The following CHD5 variants were observed in gnomAD, a reference collection of about 807,000 sequenced individuals.
The protein encoded by CHD5 is chromodomain helicase DNA binding protein 5.
A neutral mutation model predicts 230.3 loss-of-function variants in CHD5; 69 were observed. That is an observed-to-expected ratio of 0.30 (90% CI 0.25 to 0.37). The LOEUF is 0.37. Among genes scored for constraint, CHD5 ranks in the 10% least tolerant of loss-of-function variants. The probability of loss-of-function intolerance (pLI) is 1.00; values close to 1 mark genes in which losing one functional copy is unlikely to be tolerated. For synonymous variants in CHD5, 1,064 were observed against 1,065.9 expected (o/e 1.00, Z 0.03); for missense variants, 1,827 against 2,622.8 (o/e 0.70, Z 6.63).
chr1:6,170,025 A>G (rs190328267), intron 1 of CHD5, among the ~76,000 whole-genome samples: 1 of 152,250 alleles, frequency 6.6e-6, no homozygotes, highest in Non-Finnish European at 1.5e-5. Context: ...TTCACCCAGG[A>G]AGGGGGCAGA....
chr1:6,109,812 T>C lies in CHD5; in HGVS notation c.5561A>G (p.Asn1854Ser), dbSNP rs1666256809. Reference protein sequence around the residue: ...KESLAGNKPANAVLHKVLNQL... With the variant: ...KESLAGNKPASAVLHKVLNQL... Reference sequence around the variant, plus strand: ...TTGCTCACCCTTGTGCAGGACGGCATTGGCAGGCTTGTTCCCAGCAAGGGA... The same window carrying C: ...TTGCTCACCCTTGTGCAGGACGGCACTGGCAGGCTTGTTCCCAGCAAGGGA... The change falls in exon 38 of 42, where the codon AAT becomes AGT. Residue 1854 changes from asparagine to serine, a missense_variant. Asn to Ser is a conservative substitution (Grantham distance 46). Around this residue, in one of 14 missense-constraint regions of CHD5, gnomAD observed 208 missense variants for 302.0 expected, o/e 0.69. Transcript: ENST00000262450. 2.5e-6 allele frequency: 4 copies of C among 1,612,352 alleles called. No homozygotes were observed. The highest frequency in any genetic ancestry group is 3.4e-6 in the Non-Finnish European group (4 of 1,179,602).
In CHD5 at chr1:6,128,102, C is replaced by T; in HGVS notation, c.3847G>A (p.Glu1283Lys). ...GCCACCTTGAAGGAGCTCAGGTACT[C>T]GTTCATGTTCTGTAGCTCCGTGTCA... The part of the protein sequence containing the change: ...TDDTELQNMN[E>K]YLSSFKVAQY... The change falls in exon 25 of 42, where the codon GAG becomes AAG. Residue 1283 changes from glutamate to lysine, a missense_variant. Coordinates refer to ENST00000262450, the MANE Select transcript of CHD5 (RefSeq NM_015557.3). The surrounding 1 kb of genome is among the most constrained non-coding windows in gnomAD (Gnocchi z 7.8). 6.2e-7 allele frequency: 1 copy of T among 1,613,846 alleles called. No individual in the cohort carries two copies. Among genetic ancestry groups the T allele is most frequent in the South Asian group, 1.1e-5 (1 of 90,966 alleles).
At position 6,146,107 on chromosome 1, in the gene CHD5, A is replaced by G. The variant is rs1666906708; in HGVS notation, c.1802+105T>C. 8.6e-7 allele frequency: 1 copy of G among 1,161,658 alleles called. No individual in the cohort carries two copies. The highest frequency in any genetic ancestry group is 1.5e-5 in the African/African-American group (1 of 65,810). The allele number at this position is 1,161,658 out of a possible 1,614,324, so 72.0% of individuals were successfully genotyped here. A position where few individuals can be genotyped will look rare whatever the true frequency, so the allele number is the denominator to read the frequency against. On this transcript the variant is annotated intron_variant, in intron 11 of 41. Transcript: ENST00000262450. The surrounding 1 kb of genome is among the most constrained non-coding windows in gnomAD (Gnocchi z 5.1). Reference sequence around the variant, plus strand: ...ACATGTGGTTCTGCACGGCAGCCCCAAAGCAAGGGCCCTGGCACCCTGCGC... The same window carrying G: ...ACATGTGGTTCTGCACGGCAGCCCCGAAGCAAGGGCCCTGGCACCCTGCGC...
chr1:6,115,250 C>CA (rs34290371), intron 33 of CHD5, among the ~76,000 whole-genome samples: 29,446 of 124,918 alleles, frequency 0.24, 3,552 homozygotes, highest in East Asian at 0.56. Flanking sequence ...GACTCTGTCT[C>CA]AAAAAAAAAA....
Position 6,159,006 on chromosome 1 carries a change from C to CAAAA in CHD5, c.387+326_387+329dup, listed in dbSNP as rs35569300. On this transcript the variant is annotated intron_variant, in intron 3 of 41. Transcript: ENST00000262450. ...TGGGCGACAGAGCGAGACTCCGTCT[C>CAAAA]AAAAAAAAAAAAAAAAAAAAGAGAT... Among the ~76,000 whole-genome samples, 154 of 63,524 alleles carry CAAAA rather than the reference C, an allele frequency of 2.4e-3. 2 individuals carry two copies. Among genetic ancestry groups the CAAAA allele is most frequent in the African/African-American group, 9.6e-3 (116 of 12,038 alleles). The allele number at this position is 63,524 out of a possible 152,430, so 41.7% of individuals were successfully genotyped here. A position where few individuals can be genotyped will look rare whatever the true frequency, so the allele number is the denominator to read the frequency against.
At chr1:6,127,869 C>T (rs1271534298) in intron 25 of CHD5, among the ~76,000 whole-genome samples, 177 bp downstream of exon 25, 1 of 151,562 alleles carries the variant, frequency 6.6e-6, no homozygotes, top group Non-Finnish European at 1.5e-5. Context: ...GCGGAGCACA[C>T]GCTGGAGTGC....
chr1:6,146,808 G>A lies in CHD5; in HGVS notation c.1447C>T (p.Pro483Ser). ...LHWRWTEPPAPFMVGLPGPDV... is the reference protein window; with the variant it reads ...LHWRWTEPPASFMVGLPGPDV... ...GGCCCCGGCAGCCCCACCATGAAGG[G>A]GGCAGGGGGCTCCGTCCACCTCCAG... The change falls in exon 10 of 42, where the codon CCC becomes TCC. Residue 483 changes from proline to serine, a missense_variant. Coordinates refer to ENST00000262450, the MANE Select transcript of CHD5 (RefSeq NM_015557.3). This position sits in a 1 kb window ranked among gnomAD's most constrained non-coding sequence, Gnocchi z 5.1. 1 of 1,583,334 alleles carries A rather than the reference G, an allele frequency of 6.3e-7. No individual in the cohort carries two copies. The highest frequency in any genetic ancestry group is 1.3e-5 in the African/African-American group (1 of 74,332).
Position 6,126,438 on chromosome 1 carries a change from T to C in CHD5, c.4078+134A>G. The C allele has an allele frequency of 1.5e-6, 1 of 673,550 alleles. No individual in the cohort carries two copies. Among genetic ancestry groups the C allele is most frequent in the South Asian group, 1.7e-5 (1 of 58,148 alleles). The allele number at this position is 673,550 out of a possible 1,614,324, so 41.7% of individuals were successfully genotyped here. A position where few individuals can be genotyped will look rare whatever the true frequency, so the allele number is the denominator to read the frequency against. On this transcript the variant is annotated intron_variant, in intron 26 of 41. Coordinates refer to ENST00000262450, the MANE Select transcript of CHD5 (RefSeq NM_015557.3). This position sits in a 1 kb window ranked among gnomAD's most constrained non-coding sequence, Gnocchi z 5.7. Reference sequence around the variant, plus strand: ...TCCGCCTCTGGGTATGGGACACCCATCCCTCCTGGCACACTCGCCCAGCTC... The same window carrying C: ...TCCGCCTCTGGGTATGGGACACCCACCCCTCCTGGCACACTCGCCCAGCTC...
At position 6,125,872 on chromosome 1, in the gene CHD5, G is replaced by A. The variant is rs539541710; in HGVS notation, c.4079-14C>T. On this transcript the variant is annotated splice_polypyrimidine_tract_variant and intron_variant, in intron 26 of 41. Coordinates refer to ENST00000262450, the MANE Select transcript of CHD5 (RefSeq NM_015557.3). This position sits in a 1 kb window ranked among gnomAD's most constrained non-coding sequence, Gnocchi z 6.7. Reference sequence around the variant, plus strand: ...CATCCTGCCACTCTGCAGGGGGCCAGACAGAGGGGCACGGAGTGAGCTGTA... The same window carrying A: ...CATCCTGCCACTCTGCAGGGGGCCAAACAGAGGGGCACGGAGTGAGCTGTA... The A allele has an allele frequency of 2.5e-6, 4 of 1,596,686 alleles. No individual in the cohort carries two copies. The highest frequency in any genetic ancestry group is 1.7e-5 in the Admixed American group (1 of 59,982).
rs1666905398 is a variant in CHD5, at chr1:6,146,017, T to C, written c.1802+195A>G. On this transcript the variant is annotated intron_variant, in intron 11 of 41. Transcript: ENST00000262450. The surrounding 1 kb of genome is among the most constrained non-coding windows in gnomAD (Gnocchi z 5.1). ...GCCGGCATGCATGGGACGGCCCCTCTAGCAGGTCAGGCAGATCTCCAGCAC... is the reference window on the plus strand; with the variant it reads ...GCCGGCATGCATGGGACGGCCCCTCCAGCAGGTCAGGCAGATCTCCAGCAC... 6.6e-6 allele frequency among the ~76,000 whole-genome samples: 1 copy of C among 152,176 alleles called. No homozygotes were observed. The highest frequency in any genetic ancestry group is 1.5e-5 in the Non-Finnish European group (1 of 68,008).
chr1:6,135,913 G>T (rs937817329), intron 17 of CHD5, among the ~76,000 whole-genome samples: 1 of 152,178 alleles, frequency 6.6e-6, no homozygotes, highest in South Asian at 2.1e-4. Flanking sequence ...AGGAGGCTGA[G>T]GCAGGAGAAT....
At position 6,154,351 on chromosome 1, in the gene CHD5, G is replaced by T. The variant is rs1038953627; in HGVS notation, c.745+309C>A. On this transcript the variant is annotated intron_variant, in intron 5 of 41. Transcript: ENST00000262450. The surrounding 1 kb of genome is among the most constrained non-coding windows in gnomAD (Gnocchi z 7.0). Reference sequence around the variant, plus strand: ...CTCCACTCTGCGTACCTCTGGTCCCGCCCTCCCTCCAGGCCCACGTCGGGG... The same window carrying T: ...CTCCACTCTGCGTACCTCTGGTCCCTCCCTCCCTCCAGGCCCACGTCGGGG... Among the ~76,000 whole-genome samples, 5 of 152,186 alleles carry T rather than the reference G, an allele frequency of 3.3e-5. No homozygotes were observed. In the East Asian group the frequency reaches 9.7e-4, roughly 29 times the overall value.
intron 5 of CHD5, among the ~76,000 whole-genome samples, chr1:6,153,039 C>T (rs1469799825): frequency 3.9e-5 from 6 of 152,232 alleles, no homozygotes; most frequent in African/African-American, 9.6e-5. Flanking sequence ...AGGGCTGAGG[C>T]TGTTTTTATG....
At chr1:6,111,706 A>T (rs2100832289) in intron 36 of CHD5, 69 bp downstream of exon 36, 1 of 1,243,598 alleles carries the variant, frequency 8.0e-7, no homozygotes, top group Non-Finnish European at 1.2e-6. Context: ...CGGAGCTCTC[A>T]GAGGGCTCTC....
At chr1:6,116,633 T>G (rs1413354725) in intron 33 of CHD5, among the ~76,000 whole-genome samples, 2 of 152,172 alleles carry the variant, frequency 1.3e-5, no homozygotes, top group African/African-American at 4.8e-5. Flanking sequence ...AGCAGCCTTC[T>G]CAGCATAATG....
Position 6,131,076 on chromosome 1 carries a change from A to G in CHD5, c.3262+555T>C, listed in dbSNP as rs1436203115. 6.6e-6 allele frequency among the ~76,000 whole-genome samples: 1 copy of G among 152,214 alleles called. No homozygotes were observed. Among genetic ancestry groups the G allele is most frequent in the African/African-American group, 2.4e-5 (1 of 41,452 alleles). On this transcript the variant is annotated intron_variant, in intron 21 of 41. Coordinates refer to ENST00000262450, the MANE Select transcript of CHD5 (RefSeq NM_015557.3). The surrounding 1 kb of genome is among the most constrained non-coding windows in gnomAD (Gnocchi z 5.0). ...AACAAAGCTTGTTACTATTTGCTGC[A>G]AACTTGCTACTGAAGCTTACAGCCG...
intron 1 of CHD5, among the ~76,000 whole-genome samples, chr1:6,169,426 G>C (rs551294616): frequency 3.9e-5 from 6 of 152,340 alleles, no homozygotes; most frequent in African/African-American, 1.4e-4. Context: ...TATGTTTGAC[G>C]ACACTGGCCA....
At chr1:6,168,824 G>C (rs1174249351) in intron 1 of CHD5, among the ~76,000 whole-genome samples, 2 of 152,116 alleles carry the variant, frequency 1.3e-5, no homozygotes, top group East Asian at 3.9e-4. Flanking sequence ...TCTGAGACCA[G>C]CCTGGCCAAC....
chr1:6,115,993 A>C (rs1472951457), intron 33 of CHD5, among the ~76,000 whole-genome samples: 3 of 152,250 alleles, frequency 2.0e-5, no homozygotes, highest in Non-Finnish European at 2.9e-5. Flanking sequence ...TGGCAGAGAA[A>C]TAGATAACAA....
Sources: gnomAD v4.1 joint callset for allele counts (sites outside exome capture counted in the v4.1 genomes callset) on GRCh38, gnomAD v4.1.1 for gene constraint, gnomAD v4.1.1 regional missense constraint, Gnocchi (gnomAD v3.1) non-coding constraint, MANE v1.5 for transcripts, NCBI Gene and HGNC (gene_info 2026-07-23, HGNC 2026-07-21) for gene names.